The following NRXN2 variants were observed in gnomAD, a reference collection of about 807,000 sequenced individuals.
NRXN2 encodes neurexin-2-beta.
In NRXN2, 29 loss-of-function variants were observed where a neutral mutation model predicts 128.8. The ratio of observed to expected loss-of-function variants is 0.23; its 90% confidence interval spans 0.17 to 0.31. NRXN2 has a LOEUF of 0.31. Ranked by LOEUF, NRXN2 falls within the 10% of genes least tolerant of loss-of-function variation. The pLI, the probability that NRXN2 is intolerant of heterozygous loss-of-function variation, is 1.00. For missense variants in NRXN2, 1,881 were observed against 2,452.6 expected, an observed-to-expected ratio of 0.77 and a Z score of 4.92; for synonymous variants, 1,098 against 1,075.2, an observed-to-expected ratio of 1.02 and a Z score of -0.41.
At chr11:64,686,097 T>C in intron 5 of NRXN2, 150 bp from the exon 6 acceptor site, 1 of 801,086 alleles carries the variant, frequency 1.2e-6, no homozygotes, top group Non-Finnish European at 2.1e-6. Flanking sequence ...TTTCCCTCCC[T>C]CGGCCTGTCA....
chr11:64,656,053 G>A (rs2048235189), intron 11 of NRXN2: 1 of 151,930 alleles, frequency 6.6e-6, no homozygotes, highest in South Asian at 2.1e-4. Flanking sequence ...AAGGAACTCA[G>A]GGGAAAGAAC....
intron 1 of NRXN2, among the ~76,000 whole-genome samples, chr11:64,721,400 G>T (rs753559878): frequency 6.6e-6 from 1 of 151,812 alleles, no homozygotes; most frequent in Non-Finnish European, 1.5e-5. Context: ...GGTCCATCCC[G>T]CCCACCCCTG....
At chr11:64,687,540 G>A (rs1370062159) in intron 5 of NRXN2, among the ~76,000 whole-genome samples, 2 of 152,222 alleles carry the variant, frequency 1.3e-5, no homozygotes, top group African/African-American at 4.8e-5. Flanking sequence ...GCAACATCGG[G>A]ACAGTCTGAA....
intron 4 of NRXN2, among the ~76,000 whole-genome samples, chr11:64,692,465 A>G (rs928133526): frequency 2.6e-5 from 4 of 152,222 alleles, no homozygotes; most frequent in Non-Finnish European, 5.9e-5. Flanking sequence ...AATGAGTGGA[A>G]GGAAATCAAA....
At chr11:64,701,946 G>C (rs2055468042) in intron 2 of NRXN2, among the ~76,000 whole-genome samples, 1 of 147,258 alleles carries the variant, frequency 6.8e-6, no homozygotes, top group Admixed American at 6.7e-5. Context: ...CCGTCCAGGA[G>C]GGAGGTGGGG....
In NRXN2 at chr11:64,622,174, T is replaced by G. The variant is rs1308788967; in HGVS notation, c.4173+579A>C. On this transcript the variant is annotated intron_variant, in intron 21 of 22. Coordinates refer to ENST00000265459, the MANE Select transcript of NRXN2 (RefSeq NM_015080.4). The surrounding 1 kb of genome is among the most constrained non-coding windows in gnomAD (Gnocchi z 4.3). ...TGCTCATAGTCACATGGAGAGGGCTTGTGAAGGCAATGGACTTGCAGCCAG... is the reference window on the plus strand; with the variant it reads ...TGCTCATAGTCACATGGAGAGGGCTGGTGAAGGCAATGGACTTGCAGCCAG... Among the ~76,000 whole-genome samples the G allele has an allele frequency of 6.6e-6, 1 of 152,122 alleles. No homozygotes were observed. The highest frequency in any genetic ancestry group is 1.5e-5 in the Non-Finnish European group (1 of 68,006).
intron 22 of NRXN2, among the ~76,000 whole-genome samples, chr11:64,616,976 A>G (rs1026700063): frequency 1.3e-5 from 2 of 152,206 alleles, no homozygotes; most frequent in East Asian, 3.8e-4. Flanking sequence ...CTCTGAGTGC[A>G]TGCATGTGCT....
intron 22 of NRXN2, among the ~76,000 whole-genome samples, chr11:64,609,111 G>A (rs2135259640): frequency 6.6e-6 from 1 of 152,114 alleles, no homozygotes; most frequent in Non-Finnish European, 1.5e-5. Context: ...TGGGAGGGGT[G>A]GAGAGAAGCC....
chr11:64,607,467 G>A lies in NRXN2; in HGVS notation c.4868C>T (p.Pro1623Leu). The stretch of plus-strand genomic sequence containing the variant: ...CTCCCGGATCACCTCCACTGCGCCC[G>A]GCGGGCCCCGCTCCCCAGGCCCTGT... Reference protein sequence around the residue: ...NPTGPGERGPPGAVEVIRESS... With the variant: ...NPTGPGERGPLGAVEVIRESS... Residue 1623 changes from proline (P) to leucine (L), a missense_variant, in exon 23 of 23, where the codon CCG (proline) becomes CTG (leucine). Coordinates refer to ENST00000265459, the MANE Select transcript of NRXN2 (RefSeq NM_015080.4). 2 of 1,608,296 alleles carry A rather than the reference G, an allele frequency of 1.2e-6. No homozygotes were observed. Among genetic ancestry groups the A allele is most frequent in the Non-Finnish European group, 1.7e-6 (2 of 1,178,940 alleles).
chr11:64,689,021 CTTCGCTGGTCACAA>C (rs2053473381), intron 5 of NRXN2, among the ~76,000 whole-genome samples: 1 of 152,112 alleles, frequency 6.6e-6, no homozygotes, highest in South Asian at 2.1e-4. Flanking sequence ...GCTTTGTGAC[CTTCGCTGGTCACAA>C]AGCTGGGCTC....
In NRXN2 at chr11:64,630,717, G is replaced by A; in HGVS notation, c.3586-144C>T. 2 of 934,128 alleles carry A rather than the reference G, an allele frequency of 2.1e-6. No homozygotes were observed. The highest frequency in any genetic ancestry group is 1.7e-6 in the Non-Finnish European group (1 of 604,172). The allele number at this position is 934,128 out of a possible 1,614,324, so 57.9% of individuals were successfully genotyped here. On this transcript the variant is annotated intron_variant, in intron 18 of 22. Transcript: ENST00000265459. The surrounding 1 kb of genome is among the most constrained non-coding windows in gnomAD (Gnocchi z 4.6). ...TCTCAACCGCTGGAGGAGGTGGGCA[G>A]GCTCGCTCCCCTTCCCCACATGCAA...
At chr11:64,696,551 A>ACG (rs1430098455) in intron 3 of NRXN2, among the ~76,000 whole-genome samples, 1 of 151,016 alleles carries the variant, frequency 6.6e-6, no homozygotes, top group Non-Finnish European at 1.5e-5. Flanking sequence ...ACACACACAC[A>ACG]CACACACACA....
chr11:64,614,235 G>C (rs1400202389), intron 22 of NRXN2, among the ~76,000 whole-genome samples: 1 of 152,170 alleles, frequency 6.6e-6, no homozygotes, highest in Non-Finnish European at 1.5e-5. Flanking sequence ...TCAGATTTAG[G>C]GGTTGCCCCC....
chr11:64,630,519 C>T lies in NRXN2; in HGVS notation c.3640G>A (p.Asp1214Asn), dbSNP rs2043743615. The change falls in exon 19 of 23, where the codon GAC (aspartate) becomes AAC (asparagine). Residue 1214 changes from aspartate (D) to asparagine (N), a missense_variant. By Grantham distance (23) the Asp-to-Asn change is conservative. Transcript: ENST00000265459. This position sits in a 1 kb window ranked among gnomAD's most constrained non-coding sequence, Gnocchi z 4.6. Reference protein sequence around the residue: ...FNVGTDDITIDEPNAIVSDGK... With the variant: ...FNVGTDDITINEPNAIVSDGK... ...TCGCTTACTATGGCGTTGGGCTCGT[C>T]GATGGTAATGTCGTCCGTGCCCACG... is the stretch of plus-strand genomic sequence containing the variant. 2 of 1,614,072 alleles carry T rather than the reference C, an allele frequency of 1.2e-6. No homozygotes were observed. Among genetic ancestry groups the T allele is most frequent in the East Asian group, 2.2e-5 (1 of 44,880 alleles).
chr11:64,636,360 C>T (rs944211174), intron 17 of NRXN2, among the ~76,000 whole-genome samples: 22 of 143,762 alleles, frequency 1.5e-4, no homozygotes, highest in African/African-American at 2.6e-4. Flanking sequence ...CCCCATTAGT[C>T]GCCATGTTCC....
intron 17 of NRXN2, among the ~76,000 whole-genome samples, chr11:64,644,255 CT>C (rs904897869): frequency 1.3e-5 from 2 of 152,058 alleles, no homozygotes; most frequent in Non-Finnish European, 2.9e-5. Flanking sequence ...CACCCAGAGC[CT>C]TCGAGGTACT....
Position 64,651,980 on chromosome 11 carries a change from G to A in NRXN2, c.2536+55C>T. 4 of 1,603,200 alleles carry A rather than the reference G, an allele frequency of 2.5e-6. No homozygotes were observed. Among genetic ancestry groups the A allele is most frequent in the Non-Finnish European group, 3.4e-6 (4 of 1,179,618 alleles). The stretch of plus-strand genomic sequence containing the variant: ...AGGCAGTAGTCACCAAGTAGAACAG[G>A]GCCAAGCATAGGTCACTGGAGATGT... On this transcript the variant is annotated intron_variant, in intron 13 of 22. Transcript: ENST00000265459. This position sits in a 1 kb window ranked among gnomAD's most constrained non-coding sequence, Gnocchi z 5.9.
rs1173778731 is a variant in NRXN2, at chr11:64,628,548, G to A, written c.3757+1854C>T. 2.6e-5 allele frequency among the ~76,000 whole-genome samples: 4 copies of A among 152,172 alleles called. No homozygotes were observed. In the East Asian group the frequency reaches 7.7e-4, roughly 29 times the overall value. On this transcript the variant is annotated intron_variant, in intron 19 of 22. Transcript: ENST00000265459. ...GTCAGGGGTCCCTGAGGAGAGGAGA[G>A]CAGGAATAATTCTTCCACCCTGACT...
intron 7 of NRXN2, among the ~76,000 whole-genome samples, chr11:64,670,649 T>A (rs2050512656): frequency 6.6e-6 from 1 of 152,124 alleles, no homozygotes; most frequent in Non-Finnish European, 1.5e-5. Flanking sequence ...GCCTGACATG[T>A]CCCTGTAACC....
Sources: allele counts gnomAD v4.1 joint callset (sites outside exome capture counted in the v4.1 genomes callset), GRCh38; gene constraint gnomAD v4.1.1; non-coding constraint Gnocchi (gnomAD v3.1); transcripts MANE v1.5; gene names NCBI Gene and HGNC (gene_info 2026-07-23, HGNC 2026-07-21).